The following UBR1 variants were observed in gnomAD, a reference collection of about 807,000 sequenced individuals.
UBR1 encodes E3 ubiquitin-protein ligase UBR1.
Under a neutral mutation model 242.1 loss-of-function variants are expected in UBR1, and 102 were observed. The observed-to-expected ratio is 0.42, with a 90% confidence interval of 0.36 to 0.50. The LOEUF is 0.50. Ranked by LOEUF, UBR1 falls within the 20% of genes least tolerant of loss-of-function variation. UBR1 has a pLI of 0.01. For missense variants in UBR1, 1,772 were observed against 2,101.8 expected, an observed-to-expected ratio of 0.84 and a Z score of 3.07; for synonymous variants, 675 against 684.8, an observed-to-expected ratio of 0.99 and a Z score of 0.22.
chr15:43,087,319 G>C (rs907845859), intron 1 of UBR1, among the ~76,000 whole-genome samples: 2 of 152,030 alleles, frequency 1.3e-5, no homozygotes, highest in African/African-American at 4.8e-5. Context: ...GCAGGAGGAT[G>C]GCGTGAACCC....
chr15:42,998,126 C>T (rs754982431), intron 33 of UBR1, 42 bp downstream of exon 33: 6 of 1,506,336 alleles, frequency 4.0e-6, no homozygotes, highest in East Asian at 2.3e-5. Flanking sequence ...AAGATTCTGA[C>T]ACCATCTTCA....
chr15:43,052,925 T>C (rs1202124893), intron 12 of UBR1, among the ~76,000 whole-genome samples: 1 of 152,350 alleles, frequency 6.6e-6, no homozygotes, highest in East Asian at 1.9e-4. Flanking sequence ...TGCCACTTAC[T>C]AGGTTTGTGA....
At chr15:42,970,688 C>T in intron 39 of UBR1, 81 bp from the exon 40 acceptor site, 2 of 1,241,602 alleles carry the variant, frequency 1.6e-6, no homozygotes, top group Non-Finnish European at 2.3e-6. Flanking sequence ...TGTTCCAAGA[C>T]AATAAACAAC....
At chr15:43,089,086 C>T (rs1436826861) in intron 1 of UBR1, among the ~76,000 whole-genome samples, 2 of 151,462 alleles carry the variant, frequency 1.3e-5, no homozygotes, top group African/African-American at 4.9e-5. Flanking sequence ...TGCTTGAACC[C>T]GAGAGGCAGA....
Position 42,988,659 on chromosome 15 carries a change from C to T in UBR1, c.3997+160G>A, listed in dbSNP as rs76783611. 6,359 of 925,540 alleles carry T rather than the reference C, an allele frequency of 6.9e-3. 220 individuals are homozygous for T. The African/African-American group carries it at 0.083, about 12-fold the overall frequency. 57.3% of individuals were successfully genotyped at this position (925,540 alleles called of 1,614,324 possible). On this transcript the variant is annotated intron_variant, in intron 35 of 46. Transcript: ENST00000290650. ...AAAAGAGATCAACATAAAAAAATTACCAGACCAAATGGCATGAGCCACACT... is the reference window on the plus strand; with the variant it reads ...AAAAGAGATCAACATAAAAAAATTATCAGACCAAATGGCATGAGCCACACT...
chr15:43,058,306 TTC>T (rs1396033997), intron 10 of UBR1, 33 bp downstream of exon 10: 1 of 1,320,290 alleles, frequency 7.6e-7, no homozygotes, highest in Non-Finnish European at 1.1e-6. Flanking sequence ...AACTGCCTAT[TTC>T]TATTTATTGA....
chr15:43,026,649 G>C lies in UBR1; in HGVS notation c.2447C>G (p.Ser816Ter), dbSNP rs778954996. 1 of 1,612,536 alleles carries C rather than the reference G, an allele frequency of 6.2e-7. No individual in the cohort carries two copies. The change falls in exon 23 of 47, where the codon TCA (serine) becomes TGA (stop). Residue 816 changes from serine to a stop codon, truncating the protein, a stop_gained. Coordinates refer to ENST00000290650, the MANE Select transcript of UBR1 (RefSeq NM_174916.3). LOFTEE classifies it high-confidence loss of function. Reference sequence around the variant, plus strand: ...TTTTAGTTCATAAACTCCATGGCCTGATACACCTGGTTTCCTAAATAGATG... The same window carrying C: ...TTTTAGTTCATAAACTCCATGGCCTCATACACCTGGTTTCCTAAATAGATG... The part of the protein sequence containing the change: ...KVATFKKPGV[S>*]GHGVYELKDE...
chr15:43,047,069 T>A, intron 14 of UBR1, 92 bp downstream of exon 14: 1 of 1,467,242 alleles, frequency 6.8e-7, no homozygotes. Context: ...TAATAAAAAC[T>A]TTACATCAAG....
chr15:43,043,400 G>A lies in UBR1; in HGVS notation c.1669-5C>T. On this transcript the variant is annotated splice_polypyrimidine_tract_variant and splice_region_variant and intron_variant, in intron 14 of 46. Coordinates refer to ENST00000290650, the MANE Select transcript of UBR1 (RefSeq NM_174916.3). ...AGCCACAAGTAAGAGTTCTTCCTAA[G>A]AGGAAAATAAGATACAAAAAGTTGA... The A allele has an allele frequency of 1.2e-6, 2 of 1,613,822 alleles. No homozygotes were observed. The highest frequency in any genetic ancestry group is 1.7e-6 in the Non-Finnish European group (2 of 1,179,934).
intron 39 of UBR1, among the ~76,000 whole-genome samples, chr15:42,973,885 G>GTTT (rs1174730906): frequency 5.5e-4 from 66 of 120,258 alleles, no homozygotes; most frequent in African/African-American, 6.5e-4. Flanking sequence ...ACTTGTAGGA[G>GTTT]TTTTTTTTTT....
At chr15:43,051,788 G>A (rs1303937361) in intron 12 of UBR1, among the ~76,000 whole-genome samples, 1 of 152,144 alleles carries the variant, frequency 6.6e-6, no homozygotes, top group Non-Finnish European at 1.5e-5. Context: ...AAAGAAGTCT[G>A]TAGATAAAAA....
intron 3 of UBR1, among the ~76,000 whole-genome samples, chr15:43,076,456 G>C (rs1394559950): frequency 6.6e-6 from 1 of 151,534 alleles, no homozygotes; most frequent in Non-Finnish European, 1.5e-5. Context: ...TCTAGGAAGC[G>C]AGGAGCGCCT....
chr15:43,002,579 G>C lies in UBR1; in HGVS notation c.3635C>G (p.Pro1212Arg). ...CCTGTTTATCTTTTGAGGTTGCAAA[G>C]GAATAATGGGGATCACAGTATTGCA... ...SLCNTVIPII[P>R]LQPQKINSEN... The change falls in exon 32 of 47, where the codon CCT becomes CGT. Residue 1212 changes from proline (P) to arginine (R), a missense_variant. Physicochemically the swap from Pro to Arg is moderately radical, Grantham distance 103 (BLOSUM62 -2). Transcript: ENST00000290650. 2 of 1,614,104 alleles carry C rather than the reference G, an allele frequency of 1.2e-6. No homozygotes were observed. Among genetic ancestry groups the C allele is most frequent in the Non-Finnish European group, 1.7e-6 (2 of 1,180,012 alleles).
At chr15:43,049,389 C>T (rs1357257041) in intron 12 of UBR1, among the ~76,000 whole-genome samples, 1 of 152,116 alleles carries the variant, frequency 6.6e-6, no homozygotes, top group Non-Finnish European at 1.5e-5. Context: ...CAGTGAAACC[C>T]CGTCTCTACT....
chr15:42,994,161 T>C (rs72721511), intron 33 of UBR1, among the ~76,000 whole-genome samples: 15,523 of 152,228 alleles, frequency 0.1, 1,105 homozygotes, highest in South Asian at 0.21. Context: ...TTTTATTGTA[T>C]TGTGGATAGT....
intron 27 of UBR1, among the ~76,000 whole-genome samples, chr15:43,018,060 T>C (rs1180808255): frequency 4.0e-5 from 6 of 151,562 alleles, no homozygotes; most frequent in African/African-American, 1.5e-4. Context: ...TTGAGCGCAG[T>C]GGTGCAATCT....
chr15:42,952,148 A>G, intron 45 of UBR1, 130 bp downstream of exon 45: 1 of 1,147,946 alleles, frequency 8.7e-7, no homozygotes, highest in Non-Finnish European at 1.3e-6. Flanking sequence ...ATTTCATGTC[A>G]ATAACAGGTT....
intron 12 of UBR1, among the ~76,000 whole-genome samples, chr15:43,049,905 A>G (rs544134242): frequency 6.6e-6 from 1 of 152,058 alleles, no homozygotes; most frequent in Non-Finnish European, 1.5e-5. Flanking sequence ...CTCTTTAAAG[A>G]GGCAACATGT....
chr15:43,022,630 T>C (rs2033124564), intron 26 of UBR1, 72 bp downstream of exon 26: 7 of 1,099,824 alleles, frequency 6.4e-6, no homozygotes, highest in Non-Finnish European at 8.2e-6. Flanking sequence ...ACTTTCAGGA[T>C]TGACAAATTA....
Sources: allele counts gnomAD v4.1 joint callset (sites outside exome capture counted in the v4.1 genomes callset), GRCh38; gene constraint gnomAD v4.1.1; transcripts MANE v1.5; gene names NCBI Gene and HGNC (gene_info 2026-07-23, HGNC 2026-07-21).